ANO3: variants seen among roughly 807,000 people sequenced by gnomAD.
ANO3 encodes the protein anoctamin 3.
ANO3 carries 99 observed loss-of-function variants against 144.8 expected under a neutral mutation model. The ratio of observed to expected loss-of-function variants is 0.68; its 90% CI spans 0.58 to 0.81. ANO3 has a LOEUF of 0.81. ANO3 is among the 30% of genes least tolerant of loss of function. The pLI is 0.00. For missense variants in ANO3, 905 were observed against 1,202.2 expected, an observed-to-expected ratio of 0.75 and a Z score of 3.66; for synonymous variants, 414 against 392.6, an observed-to-expected ratio of 1.05 and a Z score of -0.64.
At chr11:26,442,341 A>G (rs771095952) in intron 2 of ANO3, among the ~76,000 whole-genome samples, 3 of 152,168 alleles carry the variant, frequency 2.0e-5, no homozygotes, top group Non-Finnish European at 4.4e-5. Context: ...ATTTGTTTGC[A>G]GTGGAAGTCC....
intron 5 of ANO3, among the ~76,000 whole-genome samples, chr11:26,515,899 C>T (rs915311895): frequency 2.0e-5 from 3 of 151,906 alleles, no homozygotes; most frequent in Non-Finnish European, 4.4e-5. Context: ...AAACTTGTTC[C>T]ATGCTCTATG....
intron 1 of ANO3, among the ~76,000 whole-genome samples, chr11:26,411,625 C>G (rs1441415389): frequency 4.6e-5 from 7 of 151,900 alleles, no homozygotes; most frequent in Non-Finnish European, 8.8e-5. Flanking sequence ...AAGTGACATG[C>G]TAGCACATTT....
At chr11:26,233,282 A>G (rs1205259863) in intron 1 of ANO3, among the ~76,000 whole-genome samples, 1 of 152,272 alleles carries the variant, frequency 6.6e-6, no homozygotes, top group East Asian at 1.9e-4. Flanking sequence ...AAGTGGGCAA[A>G]GGATATGAAC....
chr11:26,524,879 T>C (rs1247350548), intron 6 of ANO3, among the ~76,000 whole-genome samples: 2 of 152,170 alleles, frequency 1.3e-5, no homozygotes, highest in Non-Finnish European at 2.9e-5. Flanking sequence ...CTAAATCTTA[T>C]AATACTTGGT....
chr11:26,473,865 A>G (rs1859867402), intron 4 of ANO3: 2 of 918,598 alleles, frequency 2.2e-6, no homozygotes, highest in African/African-American at 1.8e-5. Flanking sequence ...TAAAAAATAC[A>G]GATGTTCTTA....
At chr11:26,608,959 G>A (rs1184762337) in intron 17 of ANO3, among the ~76,000 whole-genome samples, 1 of 152,184 alleles carries the variant, frequency 6.6e-6, no homozygotes, top group Non-Finnish European at 1.5e-5. Flanking sequence ...CAGCTGTGGT[G>A]CTGGTCGCCC....
At chr11:26,409,867 C>A (rs1465612680) in intron 1 of ANO3, among the ~76,000 whole-genome samples, 1 of 151,914 alleles carries the variant, frequency 6.6e-6, no homozygotes, top group African/African-American at 2.4e-5. Context: ...ACAGACAAGG[C>A]AGCCATTTGG....
chr11:26,204,915 C>T (rs1044506691), intron 1 of ANO3, among the ~76,000 whole-genome samples: 1 of 152,074 alleles, frequency 6.6e-6, no homozygotes, highest in Admixed American at 6.6e-5. Context: ...TGGAGAAATA[C>T]TCGAGACTGG....
intron 4 of ANO3, among the ~76,000 whole-genome samples, chr11:26,490,082 G>A (rs1014116587): frequency 6.6e-6 from 1 of 152,146 alleles, no homozygotes; most frequent in African/African-American, 2.4e-5. Flanking sequence ...AACTTGAATT[G>A]TATCTCCCAG....
intron 26 of ANO3, 59 bp downstream of exon 26, chr11:26,656,540 C>A: frequency 8.7e-7 from 1 of 1,145,934 alleles, no homozygotes; most frequent in South Asian, 1.3e-5. Flanking sequence ...AATGATTTAT[C>A]AGTTGCCTCT....
chr11:26,329,018 A>C (rs1256159758), upstream of ANO3, among the ~76,000 whole-genome samples: 1 of 152,062 alleles, frequency 6.6e-6, no homozygotes, highest in Non-Finnish European at 1.5e-5. Context: ...CCCTCACTAA[A>C]CATTATATAA....
chr11:26,212,090 G>A (rs1851945190), intron 1 of ANO3, among the ~76,000 whole-genome samples: 1 of 152,108 alleles, frequency 6.6e-6, no homozygotes, highest in African/African-American at 2.4e-5. Flanking sequence ...GATAGTATTA[G>A]GAGAAATACC....
chr11:26,207,276 T>C (rs1405656488), intron 1 of ANO3, among the ~76,000 whole-genome samples: 2 of 152,168 alleles, frequency 1.3e-5, no homozygotes, highest in Admixed American at 1.3e-4. Context: ...ATAAATGGCT[T>C]ACAAAAAATC....
chr11:26,500,004 A>G (rs1861127951), intron 4 of ANO3, among the ~76,000 whole-genome samples: 1 of 151,754 alleles, frequency 6.6e-6, no homozygotes, highest in African/African-American at 2.4e-5. Flanking sequence ...TGATTAATCT[A>G]TTTTTCATCT....
chr11:26,630,928 T>C (rs1285922404), intron 18 of ANO3, among the ~76,000 whole-genome samples: 4 of 152,062 alleles, frequency 2.6e-5, no homozygotes, highest in African/African-American at 7.2e-5. Flanking sequence ...AATCAACCCA[T>C]ATGACTATTC....
chr11:26,332,073 G>T, upstream of ANO3: 1 of 1,431,902 alleles, frequency 7.0e-7, no homozygotes, highest in East Asian at 2.5e-5. Context: ...AGGGGAGCCG[G>T]ACGCTAGACC....
At chr11:26,579,477 A>AACAATGACAAATAAACATTTCT (rs1306383337) in intron 14 of ANO3, among the ~76,000 whole-genome samples, 15 of 152,248 alleles carry the variant, frequency 9.9e-5, no homozygotes, top group Non-Finnish European at 1.3e-4. Flanking sequence ...GGCAGCAAAT[A>AACAATGACAAATAAACATTTCT]ACAATGACAA....
At chr11:26,642,487 G>GTA (rs5790601) in intron 22 of ANO3, among the ~76,000 whole-genome samples, 56,971 of 150,902 alleles carry the variant, frequency 0.38, 11,612 homozygotes, top group South Asian at 0.49. Context: ...AAGTAGCTGG[G>GTA]ATTACAGGTG....
chr11:26,481,495 A>T, intron 4 of ANO3, among the ~76,000 whole-genome samples: 1 of 152,192 alleles, frequency 6.6e-6, no homozygotes. Flanking sequence ...GATGAAGGGA[A>T]GTTCATATAT....
Sources: allele counts gnomAD v4.1 joint callset (sites outside exome capture counted in the v4.1 genomes callset), GRCh38; gene constraint gnomAD v4.1.1; transcripts MANE v1.5; gene names NCBI Gene and HGNC (gene_info 2026-07-23, HGNC 2026-07-21).